The following PPFIA2 variants were observed in gnomAD, a reference collection of about 807,000 sequenced individuals.
PPFIA2 encodes the protein liprin-alpha-2.
Under a neutral mutation model 175.5 loss-of-function variants are expected in PPFIA2, and 46 were observed. The observed-to-expected ratio is 0.26, with a 90% CI of 0.21 to 0.34. The LOEUF (loss-of-function observed/expected upper bound fraction) is 0.34. Ranked by LOEUF, PPFIA2 falls within the 10% of genes least tolerant of loss-of-function variation. The pLI is 1.00. For synonymous variants in PPFIA2, 568 were observed against 511.4 expected, an observed-to-expected ratio of 1.11 and a Z score of -1.49; for missense variants, 1,179 against 1,506.1, an observed-to-expected ratio of 0.78 and a Z score of 3.60.
chr12:81,723,004 C>A (rs1246781825), intron 3 of PPFIA2, among the ~76,000 whole-genome samples: 1 of 150,990 alleles, frequency 6.6e-6, no homozygotes, highest in African/African-American at 2.4e-5. Flanking sequence ...ATATATAACA[C>A]CAAAGAACAG....
intron 4 of PPFIA2, among the ~76,000 whole-genome samples, chr12:81,521,819 CAA>C (rs958600445): frequency 1.8e-4 from 19 of 105,624 alleles, no homozygotes; most frequent in Admixed American, 2.9e-4. Context: ...CTCCATCTCA[CAA>C]AAAAAAAAAA....
intron 4 of PPFIA2, among the ~76,000 whole-genome samples, chr12:81,618,526 C>CTTTTT (rs71098155): frequency 8.7e-6 from 1 of 114,698 alleles, no homozygotes; most frequent in Non-Finnish European, 1.8e-5. Context: ...ACCCATGGCA[C>CTTTTT]TTTTTTTTTT....
At chr12:81,511,650 A>T (rs2061811819) in intron 4 of PPFIA2, among the ~76,000 whole-genome samples, 1 of 152,070 alleles carries the variant, frequency 6.6e-6, no homozygotes, top group East Asian at 1.9e-4. Context: ...TTACTTTCAT[A>T]CCTTTGGCAT....
intron 14 of PPFIA2, among the ~76,000 whole-genome samples, chr12:81,364,951 G>C (rs1447626399): frequency 6.6e-6 from 1 of 151,762 alleles, no homozygotes; most frequent in Admixed American, 6.6e-5. Context: ...ATGTGTGGGA[G>C]TGGGGTGAGA....
At chr12:81,730,986 G>C (rs1198983623) in intron 3 of PPFIA2, among the ~76,000 whole-genome samples, 1 of 151,518 alleles carries the variant, frequency 6.6e-6, no homozygotes, top group Non-Finnish European at 1.5e-5. Flanking sequence ...AAATGTAGTA[G>C]TTTTTGATTA....
At chr12:81,746,376 G>A (rs904652867) in intron 3 of PPFIA2, among the ~76,000 whole-genome samples, 2 of 143,774 alleles carry the variant, frequency 1.4e-5, no homozygotes, top group African/African-American at 4.9e-5. Context: ...GAAGCGCAGT[G>A]TCAAATAAAA....
chr12:81,468,449 AACAGCTCTG>A (rs1449294335), intron 4 of PPFIA2, among the ~76,000 whole-genome samples: 1 of 152,212 alleles, frequency 6.6e-6, no homozygotes, highest in African/African-American at 2.4e-5. Context: ...GCCAATTTTC[AACAGCTCTG>A]ACAGTGTAAA....
intron 4 of PPFIA2, among the ~76,000 whole-genome samples, chr12:81,471,732 A>T (rs1345314674): frequency 1.3e-5 from 2 of 152,066 alleles, no homozygotes; most frequent in Non-Finnish European, 2.9e-5. Flanking sequence ...ACTATTTTCC[A>T]TAGTGGCTGT....
intron 5 of PPFIA2, among the ~76,000 whole-genome samples, chr12:81,447,574 C>T (rs1011418249): frequency 6.6e-6 from 1 of 152,174 alleles, no homozygotes; most frequent in African/African-American, 2.4e-5. Context: ...TTTTCCCCAC[C>T]TCCGCAAGTC....
At chr12:81,445,474 G>C in intron 6 of PPFIA2, 82 bp downstream of exon 6, 2 of 1,347,034 alleles carry the variant, frequency 1.5e-6, no homozygotes, top group Non-Finnish European at 2.0e-6. Flanking sequence ...TTAGGAGTCA[G>C]GTGAGTCAAT....
intron 4 of PPFIA2, among the ~76,000 whole-genome samples, chr12:81,614,457 G>C (rs1287465070): frequency 6.6e-6 from 1 of 152,048 alleles, no homozygotes; most frequent in Non-Finnish European, 1.5e-5. Context: ...TTAAAACCCA[G>C]TAATTTATAT....
chr12:81,436,912 C>A (rs2049158570), intron 7 of PPFIA2, among the ~76,000 whole-genome samples: 1 of 152,092 alleles, frequency 6.6e-6, no homozygotes. Flanking sequence ...TAATAATGAG[C>A]ACGATAATTA....
rs1280927928 is a variant in PPFIA2 at position 81,440,029 on chromosome 12, C to T, written c.588G>A (p.Arg196=). The T allele has an allele frequency of 1.2e-6, 2 of 1,602,664 alleles. No individual in the cohort carries two copies. Among genetic ancestry groups the T allele is most frequent in the Admixed American group, 3.5e-5 (2 of 57,282 alleles). The part of the protein sequence containing the change: ...ALDEKVRERL[R]VSLERVSALE... ...GTGCAGAGACTCTTTCTAAAGAAACCCTCAGTCGCTCCCTTACCTAGAAGA... is the reference window on the plus strand; with the variant it reads ...GTGCAGAGACTCTTTCTAAAGAAACTCTCAGTCGCTCCCTTACCTAGAAGA... Residue 196 remains arginine (R), a synonymous_variant, in exon 7 of 33, where the codon AGG becomes AGA. Transcript: ENST00000549396.
Position 81,367,098 on chromosome 12 carries a change from T to A in PPFIA2, c.1545+10A>T. 2 of 1,463,750 alleles carry A rather than the reference T, an allele frequency of 1.4e-6. No individual in the cohort carries two copies. The highest frequency in any genetic ancestry group is 1.8e-4 in the Middle Eastern group (1 of 5,570). 90.7% of individuals were successfully genotyped at this position (1,463,750 alleles called of 1,614,324 possible). On this transcript the variant is annotated intron_variant, in intron 14 of 32. Coordinates refer to ENST00000549396, the MANE Select transcript of PPFIA2 (RefSeq NM_003625.5). The stretch of plus-strand genomic sequence containing the variant: ...AGAAAATGGGCCCAAAACATAAGTT[T>A]CCATTATACCTTATCATGTAAAGAT...
intron 8 of PPFIA2, among the ~76,000 whole-genome samples, chr12:81,387,003 A>G (rs1394020642): frequency 6.6e-6 from 1 of 152,106 alleles, no homozygotes; most frequent in African/African-American, 2.4e-5. Context: ...TTCCTCAAAT[A>G]TCTAAAACTG....
intron 4 of PPFIA2, among the ~76,000 whole-genome samples, chr12:81,475,536 C>T (rs1424066712): frequency 6.6e-6 from 1 of 151,986 alleles, no homozygotes. Flanking sequence ...TAGTTCTTCC[C>T]GTGATTTTAA....
At chr12:81,394,282 T>G (rs988763006) in intron 8 of PPFIA2, among the ~76,000 whole-genome samples, 12 of 152,038 alleles carry the variant, frequency 7.9e-5, no homozygotes, top group African/African-American at 2.7e-4. Context: ...CTTGGATTAC[T>G]TGGGCTCTTA....
At chr12:81,599,378 G>T (rs967428351) in intron 4 of PPFIA2, among the ~76,000 whole-genome samples, 1 of 151,974 alleles carries the variant, frequency 6.6e-6, no homozygotes, top group Admixed American at 6.6e-5. Context: ...CAATGGAAAG[G>T]ATGCAGAAAA....
intron 4 of PPFIA2, among the ~76,000 whole-genome samples, chr12:81,639,707 T>C (rs1595886811): frequency 6.6e-6 from 1 of 152,312 alleles, no homozygotes; most frequent in East Asian, 1.9e-4. Flanking sequence ...CAATATCATC[T>C]TTCACATAAT....
Sources: allele counts gnomAD v4.1 joint callset (sites outside exome capture counted in the v4.1 genomes callset), GRCh38; gene constraint gnomAD v4.1.1; transcripts MANE v1.5; gene names NCBI Gene and HGNC (gene_info 2026-07-23, HGNC 2026-07-21).